Variants in SCN3A observed in about 807,000 individuals in gnomAD.
The protein encoded by SCN3A is sodium voltage-gated channel alpha subunit 3.
Under a neutral mutation model 187.6 loss-of-function variants are expected in SCN3A, and 60 were observed. That is an observed-to-expected ratio of 0.32 (90% confidence interval 0.26 to 0.40). SCN3A has a LOEUF of 0.40. Among genes scored for constraint, SCN3A ranks in the 10% least tolerant of loss-of-function variants. SCN3A has a pLI of 1.00. For missense variants in SCN3A, 1,601 were observed against 2,428.2 expected (o/e 0.66, Z 7.16); for synonymous variants, 788 against 829.2 (o/e 0.95, Z 0.85).
chr2:165,138,188 C>A, intron 14 of SCN3A, 71 bp from the exon 15 acceptor site: 1 of 1,090,184 alleles, frequency 9.2e-7, no homozygotes, highest in South Asian at 1.3e-5. Context: ...GTAGATTTTA[C>A]ATTATTTAAC....
chr2:165,130,378 A>T, intron 16 of SCN3A, 82 bp from the exon 17 acceptor site: 1 of 1,421,004 alleles, frequency 7.0e-7, no homozygotes. Context: ...GGTATCATAG[A>T]ACCACACGTG....
At chr2:165,109,371 T>C (rs1461285777) in intron 21 of SCN3A, among the ~76,000 whole-genome samples, 1 of 152,180 alleles carries the variant, frequency 6.6e-6, no homozygotes, top group Non-Finnish European at 1.5e-5. Context: ...TCTAGATCTA[T>C]ATAAAGTTCA....
At chr2:165,109,790 A>G (rs569327283) in intron 21 of SCN3A, among the ~76,000 whole-genome samples, 2 of 152,306 alleles carry the variant, frequency 1.3e-5, no homozygotes, top group African/African-American at 4.8e-5. Flanking sequence ...TATATGATAG[A>G]TTACATAATG....
At chr2:165,126,652 CCCTT>C (rs1167963152) in intron 18 of SCN3A, among the ~76,000 whole-genome samples, 1 of 134,772 alleles carries the variant, frequency 7.4e-6, no homozygotes, top group African/African-American at 2.7e-5. Context: ...TCCTTTCCCT[CCCTT>C]CCTCCCTCCC....
intron 1 of SCN3A, among the ~76,000 whole-genome samples, chr2:165,190,680 G>C (rs1172924897): frequency 6.7e-6 from 1 of 149,776 alleles, no homozygotes; most frequent in Admixed American, 6.6e-5. Flanking sequence ...GTTCCTCTAT[G>C]TGATTTAAAA....
intron 2 of SCN3A, among the ~76,000 whole-genome samples, chr2:165,181,829 T>C (rs1408808534): frequency 2.0e-5 from 3 of 152,248 alleles, no homozygotes; most frequent in African/African-American, 4.8e-5. Flanking sequence ...CACTTCAGTA[T>C]GCAGTCAAAT....
chr2:165,132,181 A>C (rs555018098), intron 15 of SCN3A, among the ~76,000 whole-genome samples: 1 of 152,198 alleles, frequency 6.6e-6, no homozygotes, highest in Non-Finnish European at 1.5e-5. Context: ...GGAAGAATCA[A>C]TATCGTGAAA....
chr2:165,127,320 C>G (rs1687055136), intron 18 of SCN3A, among the ~76,000 whole-genome samples: 1 of 151,936 alleles, frequency 6.6e-6, no homozygotes, highest in African/African-American at 2.4e-5. Flanking sequence ...CTTGGCCTCC[C>G]AAAGTGCTGG....
At position 165,176,310 on chromosome 2, in the gene SCN3A, C is replaced by G; in HGVS notation, c.85G>C (p.Ala29Pro). 6.2e-7 allele frequency: 1 copy of G among 1,614,034 alleles called. No individual in the cohort carries two copies. The change falls in exon 3 of 28, where the codon GCT (alanine) becomes CCT (proline). Residue 29 changes from alanine to proline, a missense_variant. Ala to Pro is a conservative substitution (Grantham distance 27). This residue lies in a region of SCN3A where 74 missense variants were observed against 77.7 expected (regional missense o/e 0.95). Coordinates refer to ENST00000283254, the MANE Select transcript of SCN3A (RefSeq NM_006922.4). Reference sequence around the variant, plus strand: ...GGCTTCTTGGCTTTCTCTTCTGCAGCACGTTTTTCGATAGCAGCAAGAGAT... The same window carrying G: ...GGCTTCTTGGCTTTCTCTTCTGCAGGACGTTTTTCGATAGCAGCAAGAGAT... The part of the protein sequence containing the change: ...RESLAAIEKR[A>P]AEEKAKKPKK...
At chr2:165,185,920 G>A (rs1691198979) in intron 2 of SCN3A, among the ~76,000 whole-genome samples, 1 of 152,026 alleles carries the variant, frequency 6.6e-6, no homozygotes, top group African/African-American at 2.4e-5. Flanking sequence ...AGTAAATACA[G>A]TCCAGGGTAA....
Position 165,089,881 on chromosome 2 carries a change from C to T in SCN3A, c.*269G>A. On this transcript the variant is annotated 3_prime_UTR_variant, in exon 28 of 28. Transcript: ENST00000283254. Reference sequence around the variant, plus strand: ...TAGTTACAATGTTCACTTTGCACAACTATCCCTATAGTCTAGGTAGCCATT... The same window carrying T: ...TAGTTACAATGTTCACTTTGCACAATTATCCCTATAGTCTAGGTAGCCATT... 1 of 464,108 alleles carries T rather than the reference C, an allele frequency of 2.2e-6. No individual in the cohort carries two copies. Among genetic ancestry groups the T allele is most frequent in the Non-Finnish European group, 3.9e-6 (1 of 256,802 alleles). The allele number at this position is 464,108 out of a possible 1,614,324, so 28.7% of individuals were successfully genotyped here. A position where few individuals can be genotyped will look rare whatever the true frequency, so the allele number is the denominator to read the frequency against.
Position 165,127,666 on chromosome 2 carries a change from A to T in SCN3A, c.3358T>A (p.Phe1120Ile). ...TCTTCTAGTTCTGACTCACTGCTGA[A>T]CTCTTCAGTATTTAAGTTTTCAAAG... is the stretch of plus-strand genomic sequence containing the variant. Reference protein sequence around the residue: ...SDFENLNTEEFSSESELEESK... With the variant: ...SDFENLNTEEISSESELEESK... Residue 1120 changes from phenylalanine (F) to isoleucine (I), a missense_variant, in exon 18 of 28, where the codon TTC becomes ATC. Phe to Ile is a conservative substitution (Grantham distance 21). This residue lies in a region of SCN3A where 267 missense variants were observed against 313.2 expected (regional missense o/e 0.85). Transcript: ENST00000283254. The T allele has an allele frequency of 1.9e-6, 3 of 1,613,874 alleles. No individual in the cohort carries two copies. The highest frequency in any genetic ancestry group is 2.2e-5 in the South Asian group (2 of 91,078).
In SCN3A at chr2:165,089,918, C is replaced by T. The variant is rs192554647; in HGVS notation, c.*232G>A. The T allele has an allele frequency of 4.1e-5, 23 of 562,722 alleles. No individual in the cohort carries two copies. Among genetic ancestry groups the T allele is most frequent in the African/African-American group, 4.0e-4 (21 of 53,092 alleles). 34.9% of individuals were successfully genotyped at this position (562,722 alleles called of 1,614,324 possible). A position where few individuals can be genotyped will look rare whatever the true frequency, so the allele number is the denominator to read the frequency against. On this transcript the variant is annotated 3_prime_UTR_variant, in exon 28 of 28. Coordinates refer to ENST00000283254, the MANE Select transcript of SCN3A (RefSeq NM_006922.4). The stretch of plus-strand genomic sequence containing the variant: ...TCTAGGTAGCCATTGGGTTTCTCCT[C>T]AGCAGTGTCAGCTGGTAATAAAAAC...
rs1156309103 is a variant in SCN3A, at chr2:165,092,395, G to T, written c.4666C>A (p.Leu1556Ile). The change falls in exon 27 of 28, where the codon CTA (leucine) becomes ATA (isoleucine). Residue 1556 changes from leucine (L) to isoleucine (I), a missense_variant. Transcript: ENST00000283254. This position sits in a 1 kb window ranked among gnomAD's most constrained non-coding sequence, Gnocchi z 4.2. ...ETDDQGKYMT[L>I]VLSRINLVFI... ...ACTAGGTTGATCCGGGACAAAACTA[G>T]GGTCATGTATTTGCCCTGGTCATCC... 1.9e-6 allele frequency: 3 copies of T among 1,613,970 alleles called. No homozygotes were observed. In the South Asian group the frequency reaches 3.3e-5, roughly 18 times the overall value.
chr2:165,146,451 C>T (rs1426726113), intron 12 of SCN3A, among the ~76,000 whole-genome samples: 1 of 127,636 alleles, frequency 7.8e-6, no homozygotes, highest in South Asian at 2.6e-4. Context: ...TATATATATA[C>T]AGGTTGATAT....
intron 1 of SCN3A, among the ~76,000 whole-genome samples, chr2:165,193,165 C>A (rs1691718988): frequency 6.6e-6 from 1 of 152,052 alleles, no homozygotes; most frequent in South Asian, 2.1e-4. Context: ...CACTCTCCTC[C>A]AAGGGATCAA....
intron 11 of SCN3A, among the ~76,000 whole-genome samples, chr2:165,150,473 G>A (rs1286170088): frequency 6.6e-6 from 1 of 152,112 alleles, no homozygotes; most frequent in Non-Finnish European, 1.5e-5. Context: ...GAACTAAAAT[G>A]GATTTGGCAC....
intron 15 of SCN3A, among the ~76,000 whole-genome samples, chr2:165,134,061 G>A (rs930053019): frequency 1.3e-5 from 2 of 152,054 alleles, no homozygotes; most frequent in African/African-American, 4.8e-5. Context: ...CAGAATTAAG[G>A]TTAATGGATT....
chr2:165,100,457 C>G (rs371830717), intron 21 of SCN3A, 33 bp from the exon 22 acceptor site: 34 of 1,604,858 alleles, frequency 2.1e-5, no homozygotes, highest in Non-Finnish European at 2.6e-5. Context: ...ATTAGTTCAC[C>G]AAGAAATAAA....
Sources: allele counts gnomAD v4.1 joint callset (sites outside exome capture counted in the v4.1 genomes callset), GRCh38; gene constraint gnomAD v4.1.1; regional missense constraint gnomAD v4.1.1; non-coding constraint Gnocchi (gnomAD v3.1); transcripts MANE v1.5; gene names NCBI Gene and HGNC (gene_info 2026-07-23, HGNC 2026-07-21).